Variants in NT5DC1 observed in about 807,000 individuals in gnomAD.
NT5DC1 encodes 5'-nucleotidase domain-containing protein 1.
NT5DC1 carries 42 observed loss-of-function variants against 59.4 expected under a neutral mutation model. The observed-to-expected ratio is 0.71, with a 90% CI of 0.55 to 0.92. The LOEUF (loss-of-function observed/expected upper bound fraction) is 0.92. NT5DC1 is among the 40% of genes least tolerant of loss of function. NT5DC1 has a pLI of 0.00. For synonymous variants in NT5DC1, 172 were observed against 188.1 expected, an observed-to-expected ratio of 0.91 and a Z score of 0.70; for missense variants, 501 against 537.1, an observed-to-expected ratio of 0.93 and a Z score of 0.66.
rs1210166426 is a variant in NT5DC1 at position 116,248,489 on chromosome 6, T to C, written c.*4465T>C. Reference sequence around the variant, plus strand: ...TTTGTTTGTTAATGATGAAAACATTTAAGGACGTTGAGTTAACTGGAGATA... The same window carrying C: ...TTTGTTTGTTAATGATGAAAACATTCAAGGACGTTGAGTTAACTGGAGATA... On this transcript the variant is annotated 3_prime_UTR_variant, in exon 12 of 12. Coordinates refer to ENST00000319550, the MANE Select transcript of NT5DC1 (RefSeq NM_152729.3). 1 of 152,198 alleles carries C rather than the reference T, an allele frequency of 6.6e-6. No individual in the cohort carries two copies. The highest frequency in any genetic ancestry group is 1.9e-4 in the East Asian group (1 of 5,202). 9.4% of individuals were successfully genotyped at this position (152,198 alleles called of 1,614,324 possible). A position where few individuals can be genotyped will look rare whatever the true frequency, so the allele number is the denominator to read the frequency against.
chr6:116,157,103 G>A (rs1780214955), intron 6 of NT5DC1, among the ~76,000 whole-genome samples: 1 of 152,124 alleles, frequency 6.6e-6, no homozygotes, highest in Non-Finnish European at 1.5e-5. Flanking sequence ...GCAATTACAT[G>A]GATTATTTGG....
At chr6:116,117,751 C>A (rs1331647015) in intron 5 of NT5DC1, 110 bp from the exon 6 acceptor site, 14 of 630,686 alleles carry the variant, frequency 2.2e-5, no homozygotes, top group African/African-American at 3.7e-5. Flanking sequence ...AATTGTAAGT[C>A]TAACCATCTT....
At chr6:116,163,005 T>C (rs1034413043) in intron 6 of NT5DC1, among the ~76,000 whole-genome samples, 2 of 151,174 alleles carry the variant, frequency 1.3e-5, no homozygotes, top group East Asian at 1.9e-4. Context: ...CAGGCACTTA[T>C]AGTCCCAGCT....
chr6:116,204,857 T>C (rs1781418594), intron 6 of NT5DC1, among the ~76,000 whole-genome samples: 1 of 152,036 alleles, frequency 6.6e-6, no homozygotes, highest in Admixed American at 6.6e-5. Flanking sequence ...AATTATTTGT[T>C]ATAATTACAT....
At chr6:116,240,015 G>T (rs188177551) in intron 11 of NT5DC1, among the ~76,000 whole-genome samples, 2 of 152,110 alleles carry the variant, frequency 1.3e-5, no homozygotes, top group African/African-American at 4.8e-5. Flanking sequence ...ATTTAACAGC[G>T]AATTAGACAC....
chr6:116,118,522 A>G (rs1055607362), intron 6 of NT5DC1, among the ~76,000 whole-genome samples: 1 of 152,182 alleles, frequency 6.6e-6, no homozygotes, highest in Non-Finnish European at 1.5e-5. Flanking sequence ...AACTAATAGG[A>G]TGATGGATTC....
intron 6 of NT5DC1, among the ~76,000 whole-genome samples, chr6:116,213,941 G>A (rs1178873068): frequency 6.6e-6 from 1 of 152,036 alleles, no homozygotes; most frequent in African/African-American, 2.4e-5. Flanking sequence ...GGATATCTCT[G>A]TGTTGCCTAG....
intron 6 of NT5DC1, among the ~76,000 whole-genome samples, chr6:116,200,567 G>T (rs544373938): frequency 3.3e-5 from 5 of 152,014 alleles, no homozygotes; most frequent in Admixed American, 3.3e-4. Context: ...ATTTTAAAAA[G>T]CATAGCTAAA....
At chr6:116,120,446 ATAAC>A (rs1179968459) in intron 6 of NT5DC1, 1 of 1,614,114 alleles carries the variant, frequency 6.2e-7, no homozygotes, top group South Asian at 1.1e-5. Context: ...TTTGGAGAGA[ATAAC>A]AGTAAAAGCA....
chr6:116,101,464 T>C (rs1457704205), intron 1 of NT5DC1, among the ~76,000 whole-genome samples: 1 of 152,198 alleles, frequency 6.6e-6, no homozygotes, highest in East Asian at 1.9e-4. Flanking sequence ...TGGCTGCATT[T>C]TTCTGTTTGC....
chr6:116,110,890 G>T lies in NT5DC1; in HGVS notation c.298G>T (p.Ala100Ser), dbSNP rs1169970748. Residue 100 changes from alanine to serine, a missense_variant, in exon 4 of 12, where the codon GCA becomes TCA. By Grantham distance (99) the Ala-to-Ser change is moderately conservative (BLOSUM62 1). Coordinates refer to ENST00000319550, the MANE Select transcript of NT5DC1 (RefSeq NM_152729.3). ...GTKMMTPEVL[A>S]EAYGKKEWKH... Reference sequence around the variant, plus strand: ...CAAGATGATGACTCCAGAGGTGCTGGCAGAGGCATATGGCAAGAAAGAGTG... The same window carrying T: ...CAAGATGATGACTCCAGAGGTGCTGTCAGAGGCATATGGCAAGAAAGAGTG... 6.2e-7 allele frequency: 1 copy of T among 1,614,036 alleles called. No homozygotes were observed. Among genetic ancestry groups the T allele is most frequent in the East Asian group, 2.2e-5 (1 of 44,898 alleles).
Position 116,244,897 on chromosome 6 carries a change from C to G in NT5DC1, c.*873C>G, listed in dbSNP as rs1000607378. ...TAATCAACTTTAAGCATTACATTCTCAATTGGGGACAAAAATTGGTTCTTG... is the reference window on the plus strand; with the variant it reads ...TAATCAACTTTAAGCATTACATTCTGAATTGGGGACAAAAATTGGTTCTTG... On this transcript the variant is annotated 3_prime_UTR_variant, in exon 12 of 12. Transcript: ENST00000319550. 2 of 152,064 alleles carry G rather than the reference C, an allele frequency of 1.3e-5. No individual in the cohort carries two copies. The highest frequency in any genetic ancestry group is 4.8e-5 in the African/African-American group (2 of 41,394). 9.4% of individuals were successfully genotyped at this position (152,064 alleles called of 1,614,324 possible). A position where few individuals can be genotyped will look rare whatever the true frequency, so the allele number is the denominator to read the frequency against.
At chr6:116,151,016 G>C (rs1425766398) in intron 6 of NT5DC1, among the ~76,000 whole-genome samples, 1 of 152,142 alleles carries the variant, frequency 6.6e-6, no homozygotes, top group Non-Finnish European at 1.5e-5. Context: ...ACAACTCTTT[G>C]TGGCATTTAA....
At position 116,245,418 on chromosome 6, in the gene NT5DC1, A is replaced by G. The variant is rs1295939124; in HGVS notation, c.*1394A>G. 1 of 152,634 alleles carries G rather than the reference A, an allele frequency of 6.6e-6. No individual in the cohort carries two copies. Among genetic ancestry groups the G allele is most frequent in the Non-Finnish European group, 1.5e-5 (1 of 68,020 alleles). The allele number at this position is 152,634 out of a possible 1,614,324, so 9.5% of individuals were successfully genotyped here. On this transcript the variant is annotated 3_prime_UTR_variant, in exon 12 of 12. Transcript: ENST00000319550. ...TGTTAAAATTTGTAAATGTTCAGCT[A>G]AATCTCAGATATACTGTGGGATGAG...
chr6:116,132,376 ACT>A (rs1779490814), intron 6 of NT5DC1, among the ~76,000 whole-genome samples: 1 of 152,098 alleles, frequency 6.6e-6, no homozygotes, highest in Non-Finnish European at 1.5e-5. Flanking sequence ...TCTCTAGCCT[ACT>A]TTTCCTGTAC....
In NT5DC1 at chr6:116,100,866, G is replaced by A. The variant is rs1445241770; in HGVS notation, c.-65G>A. 6 of 1,291,386 alleles carry A rather than the reference G, an allele frequency of 4.6e-6. No individual in the cohort carries two copies. The highest frequency in any genetic ancestry group is 1.5e-5 in the African/African-American group (1 of 64,866). The allele number at this position is 1,291,386 out of a possible 1,614,324, so 80.0% of individuals were successfully genotyped here. On this transcript the variant is annotated 5_prime_UTR_variant, in exon 1 of 12. Coordinates refer to ENST00000319550, the MANE Select transcript of NT5DC1 (RefSeq NM_152729.3). ...GTCCGGCCCGGTCCTGTCCCGCAGC[G>A]TCCCGCCAGCCAGCTCCTTGCACCC...
chr6:116,115,679 G>C lies in NT5DC1; in HGVS notation c.365-12G>C, dbSNP rs77450123. ...TATGTTGTTCCCAGTTTAAAATTTT[G>C]TTCTTTTTTAGGAAAGTATTACTTT... On this transcript the variant is annotated splice_polypyrimidine_tract_variant and intron_variant, in intron 4 of 11. Coordinates refer to ENST00000319550, the MANE Select transcript of NT5DC1 (RefSeq NM_152729.3). 2 of 1,449,262 alleles carry C rather than the reference G, an allele frequency of 1.4e-6. No individual in the cohort carries two copies. The highest frequency in any genetic ancestry group is 1.4e-5 in the African/African-American group (1 of 71,748). 89.8% of individuals were successfully genotyped at this position (1,449,262 alleles called of 1,614,324 possible).
intron 6 of NT5DC1, among the ~76,000 whole-genome samples, chr6:116,165,658 C>A (rs757348645): frequency 6.6e-6 from 1 of 152,188 alleles, no homozygotes; most frequent in African/African-American, 2.4e-5. Context: ...CCACCAGTAC[C>A]ACCCCATTCA....
At chr6:116,106,364 A>C (rs1298403732) in intron 2 of NT5DC1, 29 bp downstream of exon 2, 1 of 860,490 alleles carries the variant, frequency 1.2e-6, no homozygotes, top group African/African-American at 1.8e-5. Context: ...TTTTTTTTTA[A>C]GTCTGTACAT....
Sources: allele counts gnomAD v4.1 joint callset (sites outside exome capture counted in the v4.1 genomes callset), GRCh38; gene constraint gnomAD v4.1.1; transcripts MANE v1.5; gene names NCBI Gene and HGNC (gene_info 2026-07-23, HGNC 2026-07-21).